Variants in FAH observed in about 807,000 individuals in gnomAD.
The protein encoded by FAH is fumarylacetoacetate hydrolase, also known as fumarylacetoacetase.
In FAH, 47 loss-of-function variants were observed where a neutral mutation model predicts 55.8. That is an observed-to-expected ratio of 0.84 (90% CI 0.67 to 1.07). The LOEUF is 1.07. Ranked by LOEUF, FAH falls within the 50% of genes least tolerant of loss-of-function variation. The probability of loss-of-function intolerance (pLI) is 0.00; values close to 1 mark genes in which losing one functional copy is unlikely to be tolerated. For missense variants in FAH, 495 were observed against 545.9 expected (o/e 0.91, Z 0.93); for synonymous variants, 199 against 207.7 (o/e 0.96, Z 0.36).
At chr15:80,157,837 C>A in intron 1 of FAH, 4 of 588,550 alleles carry the variant, frequency 6.8e-6, no homozygotes, top group Non-Finnish European at 1.2e-5. Flanking sequence ...TGATTTCTTT[C>A]CCATTCAGGG....
chr15:80,158,221 G>T, intron 2 of FAH, 51 bp downstream of exon 2: 1 of 1,239,324 alleles, frequency 8.1e-7, no homozygotes. Flanking sequence ...ACTTACTGTG[G>T]ATGCCAACAA....
Position 80,162,276 on chromosome 15 carries a change from A to C in FAH, c.395A>C (p.Gln132Pro). The change falls in exon 5 of 14, where the codon CAG (glutamine) becomes CCG (proline). Residue 132 changes from glutamine (Q) to proline (P), a missense_variant. By Grantham distance (76) the Gln-to-Pro change is moderately conservative. Transcript: ENST00000561421. ...TACACAGACTTCTATTCCTCTCGGCAGCATGCTACCAACGTCGGAATCATG... is the reference window on the plus strand; with the variant it reads ...TACACAGACTTCTATTCCTCTCGGCCGCATGCTACCAACGTCGGAATCATG... The part of the protein sequence containing the change: ...GDYTDFYSSR[Q>P]HATNVGIMFR... 6.2e-7 allele frequency: 1 copy of C among 1,614,228 alleles called. No individual in the cohort carries two copies. The highest frequency in any genetic ancestry group is 8.5e-7 in the Non-Finnish European group (1 of 1,180,036).
At chr15:80,162,361 A>T (rs772437784) in intron 5 of FAH, 25 bp downstream of exon 5, 8 of 1,573,718 alleles carry the variant, frequency 5.1e-6, no homozygotes, top group Non-Finnish European at 3.5e-6. Flanking sequence ...AAATGTCTGC[A>T]TAAGTTCAAA....
At chr15:80,161,757 C>T (rs190795925) in intron 4 of FAH, among the ~76,000 whole-genome samples, 1 of 152,228 alleles carries the variant, frequency 6.6e-6, no homozygotes, top group Admixed American at 6.5e-5. Context: ...CGAAGCCTGC[C>T]CCAGAAGGAT....
intron 12 of FAH, 31 bp downstream of exon 12, chr15:80,180,256 A>G (rs758586983): frequency 6.5e-7 from 1 of 1,535,216 alleles, no homozygotes; most frequent in Admixed American, 1.7e-5. Context: ...AGGGCTGCCC[A>G]CGCAGAGCAT....
intron 13 of FAH, 23 bp from the exon 14 acceptor site, chr15:80,186,107 A>T (rs201939783): frequency 2.5e-5 from 40 of 1,609,752 alleles, no homozygotes; most frequent in Non-Finnish European, 2.8e-5. Context: ...TTTGTGACTG[A>T]TCCTTGTCCT....
At chr15:80,180,994 C>T (rs759937708) in intron 12 of FAH, 48 bp from the exon 13 acceptor site, 1 of 1,495,800 alleles carries the variant, frequency 6.7e-7, no homozygotes, top group South Asian at 1.1e-5. Flanking sequence ...CATGCCAGAG[C>T]CAAGGCATAA....
chr15:80,177,697 T>C, intron 11 of FAH, 114 bp downstream of exon 11: 1 of 1,021,588 alleles, frequency 9.8e-7, no homozygotes, highest in East Asian at 2.4e-5. Context: ...TGGGTCAGCC[T>C]GTGGGCCTGG....
intron 11 of FAH, among the ~76,000 whole-genome samples, chr15:80,178,911 A>G (rs1567121010): frequency 6.6e-6 from 1 of 152,216 alleles, no homozygotes; most frequent in African/African-American, 2.4e-5. Flanking sequence ...TGTAAGTCAC[A>G]TCAATTCCAC....
chr15:80,154,500 A>G (rs2142087991), intron 1 of FAH, among the ~76,000 whole-genome samples: 1 of 152,346 alleles, frequency 6.6e-6, no homozygotes, highest in South Asian at 2.1e-4. Flanking sequence ...CTGTCCTCTG[A>G]TACAGTGCTG....
Position 80,172,156 on chromosome 15 carries a change from T to C in FAH, c.614T>C (p.Phe205Ser), listed in dbSNP as rs1193498123. 4.3e-6 allele frequency: 7 copies of C among 1,613,792 alleles called. No individual in the cohort carries two copies. In the East Asian group the frequency reaches 8.9e-5, roughly 21 times the overall value. The change falls in exon 8 of 14, where the codon TTT (phenylalanine) becomes TCT (serine). Residue 205 changes from phenylalanine to serine, a missense_variant. Physicochemically the swap from Phe to Ser is radical, Grantham distance 155. Coordinates refer to ENST00000561421, the MANE Select transcript of FAH (RefSeq NM_000137.4). Reference protein sequence around the residue: ...LLDMELEMAFFVGPGNRLGEP... With the variant: ...LLDMELEMAFSVGPGNRLGEP... ...AACTCTCCCCCATGTAAGGCTTTTT[T>C]TGTAGGCCCTGGAAACAGATTGGGA... is the stretch of plus-strand genomic sequence containing the variant.
intron 7 of FAH, among the ~76,000 whole-genome samples, chr15:80,169,659 G>A (rs558979044): frequency 3.0e-4 from 45 of 151,912 alleles, no homozygotes; most frequent in African/African-American, 1.1e-3. Flanking sequence ...TCAGCCTCCC[G>A]AATAGCTGGG....
intron 13 of FAH, among the ~76,000 whole-genome samples, chr15:80,182,979 C>CAGCT (rs924370116): frequency 1.3e-5 from 2 of 152,196 alleles, no homozygotes; most frequent in African/African-American, 4.8e-5. Context: ...CTAGACCAGG[C>CAGCT]AGCTGTCCAG....
chr15:80,168,431 G>A (rs2041214848), intron 7 of FAH, 115 bp downstream of exon 7: 30 of 1,009,886 alleles, frequency 3.0e-5, no homozygotes, highest in Middle Eastern at 2.6e-4. Flanking sequence ...CAGCCACATC[G>A]GCAGCCGCTC....
chr15:80,173,397 A>C, intron 9 of FAH: 1 of 581,088 alleles, frequency 1.7e-6, no homozygotes, highest in Non-Finnish European at 3.1e-6. Flanking sequence ...AACCTTAAGA[A>C]TCTTGCAAGA....
chr15:80,175,714 A>G (rs1366852728), intron 10 of FAH, among the ~76,000 whole-genome samples: 1 of 152,170 alleles, frequency 6.6e-6, no homozygotes, highest in East Asian at 1.9e-4. Flanking sequence ...GCAGGCCATG[A>G]CTCTGCTGCT....
chr15:80,181,573 G>A (rs2041331558), intron 13 of FAH, among the ~76,000 whole-genome samples: 1 of 151,974 alleles, frequency 6.6e-6, no homozygotes, highest in South Asian at 2.1e-4. Flanking sequence ...ATTCTTCTGG[G>A]GGTGCCATTC....
At position 80,168,045 on chromosome 15, in the gene FAH, T is replaced by C. The variant is rs777229152; in HGVS notation, c.456-7T>C. The C allele has an allele frequency of 2.5e-6, 4 of 1,612,912 alleles. No homozygotes were observed. The highest frequency in any genetic ancestry group is 3.4e-6 in the Non-Finnish European group (4 of 1,179,026). ...ATGCCCTGCATTCTCTTGCCTTCCT[T>C]TCTCAGGCTGCACTTACCAGTGGGC... is the stretch of plus-strand genomic sequence containing the variant. On this transcript the variant is annotated splice_region_variant and splice_polypyrimidine_tract_variant and intron_variant, in intron 5 of 13. Transcript: ENST00000561421.
intron 8 of FAH, 43 bp from the exon 9 acceptor site, chr15:80,172,971 C>G: frequency 1.2e-6 from 2 of 1,614,140 alleles, no homozygotes; most frequent in Non-Finnish European, 1.7e-6. Flanking sequence ...GGGAGATGCC[C>G]TGATCAGCCT....
Sources: gnomAD v4.1 joint callset for allele counts (sites outside exome capture counted in the v4.1 genomes callset) on GRCh38, gnomAD v4.1.1 for gene constraint, MANE v1.5 for transcripts, NCBI Gene and HGNC (gene_info 2026-07-23, HGNC 2026-07-21) for gene names.